The following CPLX1 variants were observed in gnomAD, a reference collection of about 807,000 sequenced individuals.
CPLX1 encodes the protein complexin-1.
A neutral mutation model predicts 15.6 loss-of-function variants in CPLX1; 6 were observed. That is an observed-to-expected ratio of 0.39 (90% CI 0.21 to 0.76). The LOEUF (loss-of-function observed/expected upper bound fraction) is 0.76, where lower values mean the gene tolerates loss of function less well. CPLX1 is among the 30% of genes least tolerant of loss of function. The probability of loss-of-function intolerance (pLI) is 0.43; values close to 1 mark genes in which losing one functional copy is unlikely to be tolerated. For synonymous variants in CPLX1, 91 were observed against 75.2 expected (o/e 1.21, Z -1.08); for missense variants, 242 against 188.6 (o/e 1.28, Z -1.66).
chr4:809,294 G>A (rs1488182563), intron 2 of CPLX1, among the ~76,000 whole-genome samples: 2 of 152,278 alleles, frequency 1.3e-5, no homozygotes, highest in Non-Finnish European at 2.9e-5. Flanking sequence ...TCAGCCTTGG[G>A]TAGGGCAGGA....
At chr4:797,588 A>C (rs1315023825) in intron 2 of CPLX1, among the ~76,000 whole-genome samples, 1 of 150,958 alleles carries the variant, frequency 6.6e-6, no homozygotes, top group Non-Finnish European at 1.5e-5. Context: ...GGCCTCCCAA[A>C]GTGCTGGGAT....
chr4:802,254 G>A (rs760138733), intron 2 of CPLX1, among the ~76,000 whole-genome samples: 3 of 152,172 alleles, frequency 2.0e-5, no homozygotes, highest in Admixed American at 6.5e-5. Flanking sequence ...CAAACAACAC[G>A]GGAGAATCTC....
At chr4:815,603 C>A in intron 2 of CPLX1, among the ~76,000 whole-genome samples, 1 of 152,192 alleles carries the variant, frequency 6.6e-6, no homozygotes, top group Non-Finnish European at 1.5e-5. Flanking sequence ...GAGATGACCC[C>A]GTGTGGCACT....
intron 2 of CPLX1, among the ~76,000 whole-genome samples, chr4:818,642 C>A (rs553125784): frequency 6.6e-6 from 1 of 152,250 alleles, no homozygotes; most frequent in Non-Finnish European, 1.5e-5. Context: ...ATGTGAGTGA[C>A]GGGAAGAGGC....
intron 2 of CPLX1, among the ~76,000 whole-genome samples, chr4:818,819 G>A (rs1424976295): frequency 3.9e-5 from 6 of 152,222 alleles, no homozygotes; most frequent in Non-Finnish European, 7.3e-5. Flanking sequence ...CTGGGCGCTC[G>A]GTCCGCAGGC....
chr4:817,806 G>C (rs1305854599), intron 2 of CPLX1, among the ~76,000 whole-genome samples: 2 of 152,096 alleles, frequency 1.3e-5, no homozygotes, highest in African/African-American at 4.8e-5. Context: ...CTGCTGGCCA[G>C]AGACCCTCCC....
intron 2 of CPLX1, among the ~76,000 whole-genome samples, chr4:793,062 T>C (rs886948587): frequency 2.0e-5 from 3 of 152,160 alleles, no homozygotes; most frequent in African/African-American, 7.2e-5. Context: ...CTGCATGCGG[T>C]TGTGTGATCA....
At chr4:812,952 A>G (rs1281139980) in intron 2 of CPLX1, among the ~76,000 whole-genome samples, 1 of 151,892 alleles carries the variant, frequency 6.6e-6, no homozygotes, top group African/African-American at 2.4e-5. Context: ...CCTTTCCACA[A>G]CCCCACTAAG....
intron 2 of CPLX1, among the ~76,000 whole-genome samples, chr4:805,283 G>T (rs781149414): frequency 1.8e-4 from 27 of 152,218 alleles, no homozygotes; most frequent in Non-Finnish European, 3.4e-4. Context: ...ATAGAAGGAG[G>T]ATCGGAGGGT....
intron 2 of CPLX1, among the ~76,000 whole-genome samples, chr4:793,745 C>G (rs919756502): frequency 6.6e-6 from 1 of 152,236 alleles, no homozygotes; most frequent in Non-Finnish European, 1.5e-5. Flanking sequence ...ACCCGGCCCC[C>G]TCTCGAGGTG....
chr4:790,964 G>A lies in CPLX1; in HGVS notation c.207+1469C>T, dbSNP rs151099481. On this transcript the variant is annotated intron_variant, in intron 3 of 3. Coordinates refer to ENST00000304062, the MANE Select transcript of CPLX1 (RefSeq NM_006651.4). ...TTTTTCTCTGTCTCTCCCTCTCTGT[G>A]TCTCTGTCTCTCCCTCTGTCTTCTC... is the stretch of plus-strand genomic sequence containing the variant. Among the ~76,000 whole-genome samples, 966 of 133,516 alleles carry A rather than the reference G, an allele frequency of 7.2e-3. 7 individuals carry two copies. The highest frequency in any genetic ancestry group is 0.026 in the African/African-American group (894 of 34,252). 87.6% of individuals were successfully genotyped at this position (133,516 alleles called of 152,430 possible).
intron 2 of CPLX1, among the ~76,000 whole-genome samples, chr4:812,067 G>A (rs1272298984): frequency 6.6e-6 from 1 of 151,914 alleles, no homozygotes; most frequent in Non-Finnish European, 1.5e-5. Flanking sequence ...CCTGACTAGA[G>A]TCTTTATATA....
intron 2 of CPLX1, among the ~76,000 whole-genome samples, chr4:794,571 C>T (rs568792627): frequency 7.9e-5 from 12 of 152,352 alleles, no homozygotes; most frequent in African/African-American, 1.9e-4. Context: ...CAAAATCTCT[C>T]TGCCTCCAGC....
chr4:807,098 G>T (rs1297719194), intron 2 of CPLX1, among the ~76,000 whole-genome samples: 1 of 152,198 alleles, frequency 6.6e-6, no homozygotes, highest in Non-Finnish European at 1.5e-5. Context: ...TGATAGACTG[G>T]ATAAAGAAAA....
chr4:788,665 C>T (rs1412875278), intron 3 of CPLX1: 1 of 891,516 alleles, frequency 1.1e-6, no homozygotes, highest in Non-Finnish European at 1.3e-6. Context: ...GCAGCAGCTC[C>T]AGGCACGGAA....
chr4:798,878 G>A (rs547445030), intron 2 of CPLX1, among the ~76,000 whole-genome samples: 1 of 152,214 alleles, frequency 6.6e-6, no homozygotes, highest in South Asian at 2.1e-4. Context: ...AAAATTTCTG[G>A]GACTTTGGCT....
intron 2 of CPLX1, among the ~76,000 whole-genome samples, chr4:809,323 G>A (rs1002539153): frequency 1.3e-5 from 2 of 152,086 alleles, no homozygotes; most frequent in Non-Finnish European, 2.9e-5. Context: ...GGTGGGGCCC[G>A]GCCAAAGCTT....
chr4:799,279 C>T (rs1482531596), intron 2 of CPLX1, among the ~76,000 whole-genome samples: 3 of 152,360 alleles, frequency 2.0e-5, no homozygotes, highest in Admixed American at 2.0e-4. Context: ...AGATCACACC[C>T]TTTTCATCGG....
chr4:823,305 GC>G (rs1373847269), intron 2 of CPLX1, among the ~76,000 whole-genome samples: 1 of 152,142 alleles, frequency 6.6e-6, no homozygotes, highest in Non-Finnish European at 1.5e-5. Context: ...CCCAGGACAG[GC>G]TCAATATCTT....
Sources: gnomAD v4.1 joint callset for allele counts (sites outside exome capture counted in the v4.1 genomes callset) on GRCh38, gnomAD v4.1.1 for gene constraint, MANE v1.5 for transcripts, NCBI Gene and HGNC (gene_info 2026-07-23, HGNC 2026-07-21) for gene names.